Variants in BCOR observed in about 807,000 individuals in gnomAD.
BCOR encodes BCL6 corepressor, also known as BCL-6 corepressor.
A neutral mutation model predicts 86.7 loss-of-function variants in BCOR; 10 were observed. The observed-to-expected ratio is 0.12, with a 90% confidence interval of 0.07 to 0.20. The LOEUF (loss-of-function observed/expected upper bound fraction) is 0.20. Among genes scored for constraint, BCOR ranks in the 10% least tolerant of loss-of-function variants. BCOR has a pLI of 1.00. For synonymous variants in BCOR, 611 were observed against 609.0 expected (o/e 1.00, Z -0.05); for missense variants, 1,259 against 1,452.1 (o/e 0.87, Z 2.16).
At position 40,128,009 on chromosome X, in the gene BCOR, G is replaced by A. The variant is rs1005054504; in HGVS notation, c.-41+48998C>T. ...TGGGAGGCCGAGGCGGACAGATCACGAGATCAGGAGTTCAAGACCAGCCTG... is the reference window on the plus strand; with the variant it reads ...TGGGAGGCCGAGGCGGACAGATCACAAGATCAGGAGTTCAAGACCAGCCTG... On this transcript the variant is annotated intron_variant, in intron 1 of 14. Transcript: ENST00000342274. 3.8e-5 allele frequency among the ~76,000 whole-genome samples: 4 copies of A among 103,981 alleles called. No individual in the cohort carries two copies. The South Asian group carries it at 1.7e-3, about 44-fold the overall frequency. 90.3% of individuals were successfully genotyped at this position (103,981 alleles called of 115,157 possible).
At chrX:40,154,966 A>G (rs961948031) in intron 1 of BCOR, among the ~76,000 whole-genome samples, 8 of 111,194 alleles carry the variant, frequency 7.2e-5, no homozygotes, top group African/African-American at 1.6e-4. Context: ...ACACGCGCGC[A>G]CACACACACA....
At chrX:40,059,698 T>C (rs5963727) in intron 10 of BCOR, among the ~76,000 whole-genome samples, 24,842 of 112,886 alleles carry the variant, frequency 0.22, 2,305 homozygotes, top group African/African-American at 0.33. Flanking sequence ...AAACTGTTTT[T>C]GTTGGACAAT....
At chrX:40,078,071 A>G in intron 1 of BCOR, 102 bp from the exon 2 acceptor site, 1 of 532,285 alleles carries the variant, frequency 1.9e-6, no homozygotes, top group Non-Finnish European at 3.3e-6. Context: ...AAGGATGCAG[A>G]TGGGGAAGGC....
intron 1 of BCOR, among the ~76,000 whole-genome samples, chrX:40,169,000 G>C (rs963448437): frequency 3.6e-5 from 4 of 112,641 alleles, no homozygotes; most frequent in Non-Finnish European, 7.5e-5. Flanking sequence ...CCCGAGTGGG[G>C]TTCCAAGGGC....
chrX:40,106,005 G>C (rs1228917062), intron 1 of BCOR, among the ~76,000 whole-genome samples: 1 of 112,816 alleles, frequency 8.9e-6, no homozygotes, highest in East Asian at 2.8e-4. Flanking sequence ...GCGGGGGACG[G>C]GAGTAGGTCA....
chrX:40,098,058 T>G, upstream of BCOR, among the ~76,000 whole-genome samples: 1 of 11,969 alleles, frequency 8.4e-5, no homozygotes, highest in Admixed American at 1.0e-3. Context: ...CCGCCCTACC[T>G]CCCTCCCTCC....
At chrX:40,137,069 G>A (rs1937695438) in intron 1 of BCOR, among the ~76,000 whole-genome samples, 2 of 112,183 alleles carry the variant, frequency 1.8e-5, no homozygotes, top group Non-Finnish European at 3.8e-5. Flanking sequence ...ACTTCACTGG[G>A]GGGAACTTCA....
rs1569192902 is a variant in BCOR, at chrX:40,139,492, TA to T, written c.-41+37514del. Among the ~76,000 whole-genome samples, 11 of 11,843 alleles carry T rather than the reference TA, an allele frequency of 9.3e-4. 4 individuals carry two copies. Among genetic ancestry groups the T allele is most frequent in the South Asian group, 3.9e-3 (1 of 257 alleles). 10.3% of individuals were successfully genotyped at this position (11,843 alleles called of 115,157 possible). ...ATATATATATATATATATATATATATATATATTTTTTTTTTTTTTTAAGCAT... is the reference window on the plus strand; with the variant it reads ...ATATATATATATATATATATATATATTATATTTTTTTTTTTTTTTAAGCAT... On this transcript the variant is annotated intron_variant, in intron 1 of 14. Coordinates refer to the BCOR transcript ENST00000342274.
chrX:40,145,795 C>T (rs757071084), intron 1 of BCOR, among the ~76,000 whole-genome samples: 1 of 111,832 alleles, frequency 8.9e-6, no homozygotes, highest in African/African-American at 3.2e-5. Context: ...GTGCGTTTCC[C>T]GCCCTCCCCT....
chrX:40,124,263 A>ATCTCTATATAC (rs948447290), intron 1 of BCOR, among the ~76,000 whole-genome samples: 1 of 108,727 alleles, frequency 9.2e-6, no homozygotes, highest in African/African-American at 3.4e-5. Context: ...GCAAGACCCC[A>ATCTCTATATAC]TCTCTATATA....
At chrX:40,139,058 C>T (rs1405687468) in intron 1 of BCOR, among the ~76,000 whole-genome samples, 2 of 108,474 alleles carry the variant, frequency 1.8e-5, no homozygotes, top group Non-Finnish European at 3.8e-5. Flanking sequence ...ACATAGTCTT[C>T]GCTATTTAAT....
chrX:40,155,339 G>A (rs926761997), intron 1 of BCOR, among the ~76,000 whole-genome samples: 32 of 112,131 alleles, frequency 2.9e-4, no homozygotes, highest in African/African-American at 9.7e-4. Flanking sequence ...TGCTGCGACC[G>A]GGGGAGAGGG....
intron 6 of BCOR, among the ~76,000 whole-genome samples, chrX:40,065,485 G>C (rs1342770982): frequency 8.9e-6 from 1 of 112,046 alleles, no homozygotes; most frequent in Non-Finnish European, 1.9e-5. Context: ...TTGTTGGTGT[G>C]TCCTTCCCAT....
At chrX:40,069,897 C>T (rs1935388359) in intron 6 of BCOR, among the ~76,000 whole-genome samples, 1 of 112,367 alleles carries the variant, frequency 8.9e-6, no homozygotes, top group Non-Finnish European at 1.9e-5. Flanking sequence ...AAACTACTTT[C>T]TTCAGCAATG....
In BCOR at chrX:40,096,099, G is replaced by C. The variant is rs767920480; in HGVS notation, c.-41+1116C>G. 1.7e-3 allele frequency among the ~76,000 whole-genome samples: 194 copies of C among 112,599 alleles called. 3 individuals carry two copies. The highest frequency in any genetic ancestry group is 2.2e-3 in the Non-Finnish European group (117 of 53,049). On this transcript the variant is annotated intron_variant, in intron 1 of 14. Transcript: ENST00000378444. ...CCCGCCGGCTCCGAGCGCGGGCCCCGCGGCGCCTCGCCCTCCCCGCCTTGG... is the reference window on the plus strand; with the variant it reads ...CCCGCCGGCTCCGAGCGCGGGCCCCCCGGCGCCTCGCCCTCCCCGCCTTGG...
chrX:40,052,617 T>C (rs1303671162), intron 14 of BCOR, among the ~76,000 whole-genome samples: 1 of 91,699 alleles, frequency 1.1e-5, no homozygotes, highest in Non-Finnish European at 2.1e-5. Flanking sequence ...CAGGCTGGAG[T>C]GCAGTGGCGC....
At chrX:40,075,453 C>T (rs1352582732) in intron 3 of BCOR, among the ~76,000 whole-genome samples, 1 of 111,826 alleles carries the variant, frequency 8.9e-6, no homozygotes, top group Non-Finnish European at 1.9e-5. Flanking sequence ...TTAATTCAGT[C>T]ATCTATTAAG....
chrX:40,080,311 C>T (rs938561178), intron 1 of BCOR, among the ~76,000 whole-genome samples: 7 of 109,510 alleles, frequency 6.4e-5, no homozygotes, highest in South Asian at 3.9e-4. Context: ...CGTGGTGGTG[C>T]GTGCCTGCAA....
chrX:40,171,837 C>T (rs1311528487), intron 1 of BCOR, among the ~76,000 whole-genome samples: 3 of 113,428 alleles, frequency 2.6e-5, no homozygotes. Flanking sequence ...GCGAAGATGG[C>T]AGCGGCTCCC....
Sources: allele counts gnomAD v4.1 joint callset (sites outside exome capture counted in the v4.1 genomes callset), GRCh38; gene constraint gnomAD v4.1.1; transcripts MANE v1.5; gene names NCBI Gene and HGNC (gene_info 2026-07-23, HGNC 2026-07-21).